PNKD: variants seen among roughly 807,000 people sequenced by gnomAD.
PNKD encodes probable thioesterase PNKD.
Under a neutral mutation model 45.3 loss-of-function variants are expected in PNKD, and 36 were observed. The ratio of observed to expected loss-of-function variants is 0.80; its 90% CI spans 0.61 to 1.05. The LOEUF (loss-of-function observed/expected upper bound fraction) is 1.05, where lower values mean the gene tolerates loss of function less well. PNKD is among the 50% of genes least tolerant of loss of function. PNKD has a pLI of 0.00. For missense variants in PNKD, 511 were observed against 506.6 expected, an observed-to-expected ratio of 1.01 and a Z score of -0.08; for synonymous variants, 197 against 210.1, an observed-to-expected ratio of 0.94 and a Z score of 0.54.
In PNKD at chr2:218,300,496, G is replaced by A. The variant is rs114406797; in HGVS notation, c.236+28947G>A. On this transcript the variant is annotated intron_variant, in intron 2 of 9. Coordinates refer to ENST00000273077, the MANE Select transcript of PNKD (RefSeq NM_015488.5). ...GATCGCTTGGGGTTCATGTTAAAATGCAGATTCTGCTTCAGTAGGTTGAGA... is the reference window on the plus strand; with the variant it reads ...GATCGCTTGGGGTTCATGTTAAAATACAGATTCTGCTTCAGTAGGTTGAGA... 2.1e-3 allele frequency among the ~76,000 whole-genome samples: 316 copies of A among 152,086 alleles called. 3 individuals carry two copies. The highest frequency in any genetic ancestry group is 0.014 in the Middle Eastern group (4 of 294).
chr2:218,282,820 G>A (rs1383266942), intron 2 of PNKD, among the ~76,000 whole-genome samples: 2 of 152,224 alleles, frequency 1.3e-5, no homozygotes, highest in African/African-American at 4.8e-5. Flanking sequence ...AGGAGTGGGT[G>A]GTACAGGGGC....
At chr2:218,310,635 G>A (rs1225917860) in intron 2 of PNKD, among the ~76,000 whole-genome samples, 4 of 109,338 alleles carry the variant, frequency 3.7e-5, no homozygotes, top group African/African-American at 7.3e-5. Context: ...CCTGTCACCC[G>A]GGCTGGAGTA....
intron 2 of PNKD, among the ~76,000 whole-genome samples, chr2:218,317,376 T>A (rs1202969175): frequency 2.0e-5 from 3 of 152,212 alleles, no homozygotes; most frequent in Non-Finnish European, 4.4e-5. Context: ...TGATGTTGAA[T>A]GAGCCATGCT....
intron 2 of PNKD, among the ~76,000 whole-genome samples, chr2:218,308,439 A>C (rs1241764664): frequency 2.0e-5 from 3 of 151,914 alleles, no homozygotes; most frequent in Non-Finnish European, 4.4e-5. Context: ...TGCCCGCCTC[A>C]GCCTCCCAAA....
At chr2:218,330,049 C>T (rs558916672) in intron 2 of PNKD, among the ~76,000 whole-genome samples, 2 of 152,324 alleles carry the variant, frequency 1.3e-5, no homozygotes, top group South Asian at 2.1e-4. Flanking sequence ...CTGAGCTTGC[C>T]TGTTGGGTCC....
intron 2 of PNKD, among the ~76,000 whole-genome samples, chr2:218,318,557 G>A (rs1389691249): frequency 1.3e-5 from 2 of 152,250 alleles, no homozygotes; most frequent in South Asian, 2.1e-4. Flanking sequence ...CCAGTCTCTG[G>A]ACAGTCACAG....
Position 218,326,260 on chromosome 2 carries a change from G to A in PNKD, c.237-13523G>A, listed in dbSNP as rs1694154065. Among the ~76,000 whole-genome samples the A allele has an allele frequency of 6.6e-6, 1 of 152,156 alleles. No homozygotes were observed. Among genetic ancestry groups the A allele is most frequent in the Non-Finnish European group, 1.5e-5 (1 of 68,024 alleles). On this transcript the variant is annotated intron_variant, in intron 2 of 9. Transcript: ENST00000273077. This position sits in a 1 kb window ranked among gnomAD's most constrained non-coding sequence, Gnocchi z 4.1. Reference sequence around the variant, plus strand: ...TAGTAATCATCATCCCTGGTGTTTGGCAATTTAATAAAAGGCTTTCCTTAA... The same window carrying A: ...TAGTAATCATCATCCCTGGTGTTTGACAATTTAATAAAAGGCTTTCCTTAA...
At chr2:218,273,236 C>A (rs185121660) in intron 2 of PNKD, among the ~76,000 whole-genome samples, 1 of 151,908 alleles carries the variant, frequency 6.6e-6, no homozygotes, top group African/African-American at 2.4e-5. Flanking sequence ...CCAAATGACT[C>A]GACTCTGGGC....
rs1432385423 is a variant in PNKD, at chr2:218,340,477, GTC to G, written c.466-245_466-244del. Among the ~76,000 whole-genome samples the G allele has an allele frequency of 6.6e-6, 1 of 151,776 alleles. No homozygotes were observed. Among genetic ancestry groups the G allele is most frequent in the African/African-American group, 2.4e-5 (1 of 41,282 alleles). ...GTCACCTCTGTCTGTCAGTATCTGGGTCTCTCTGTCTTTCCCTCCCATTCCTT... is the reference window on the plus strand; with the variant it reads ...GTCACCTCTGTCTGTCAGTATCTGGGTCTCTGTCTTTCCCTCCCATTCCTT... On this transcript the variant is annotated intron_variant, in intron 4 of 9. Transcript: ENST00000273077. The surrounding 1 kb of genome is among the most constrained non-coding windows in gnomAD (Gnocchi z 4.2).
chr2:218,317,466 C>T (rs1693846411), intron 2 of PNKD, among the ~76,000 whole-genome samples: 1 of 152,196 alleles, frequency 6.6e-6, no homozygotes, highest in South Asian at 2.1e-4. Flanking sequence ...CTGGGCTGAT[C>T]AGTGTATGGG....
intron 2 of PNKD, among the ~76,000 whole-genome samples, chr2:218,296,558 T>C (rs928714947): frequency 5.3e-5 from 8 of 152,234 alleles, no homozygotes; most frequent in African/African-American, 1.9e-4. Context: ...CTCCACTAAT[T>C]GGTCCTCCAA....
chr2:218,343,647 C>A, intron 8 of PNKD, 61 bp downstream of exon 8: 1 of 1,252,150 alleles, frequency 8.0e-7, no homozygotes, highest in Non-Finnish European at 1.1e-6. Flanking sequence ...GGACAAGGGC[C>A]TTCCCACCCC....
chr2:218,293,723 C>A (rs2106246568), intron 2 of PNKD, among the ~76,000 whole-genome samples: 1 of 151,008 alleles, frequency 6.6e-6, no homozygotes, highest in East Asian at 2.0e-4. Flanking sequence ...GCTGGGATTA[C>A]AAGTGTGTGC....
chr2:218,322,760 TG>T (rs1482326177), intron 2 of PNKD, among the ~76,000 whole-genome samples: 1 of 152,230 alleles, frequency 6.6e-6, no homozygotes, highest in Non-Finnish European at 1.5e-5. Flanking sequence ...GCTCCAGGAA[TG>T]CAGACAGTGT....
chr2:218,278,172 T>C, intron 2 of PNKD: 1 of 632,036 alleles, frequency 1.6e-6, no homozygotes. Flanking sequence ...AGACCTGTGT[T>C]GTGGCGCCAG....
intron 2 of PNKD, among the ~76,000 whole-genome samples, chr2:218,290,386 C>G (rs901432277): frequency 6.6e-6 from 1 of 152,218 alleles, no homozygotes; most frequent in Non-Finnish European, 1.5e-5. Flanking sequence ...GACACCCAAC[C>G]CTGAGAATCA....
At chr2:218,272,382 G>A (rs377708372) in intron 2 of PNKD, among the ~76,000 whole-genome samples, 3 of 152,208 alleles carry the variant, frequency 2.0e-5, no homozygotes, top group Admixed American at 2.0e-4. Context: ...GGAGTTACGG[G>A]GTTTTAAGCA....
intron 2 of PNKD, chr2:218,286,781 G>A (rs1307279756): frequency 6.6e-6 from 1 of 152,260 alleles, no homozygotes; most frequent in African/African-American, 2.4e-5. Flanking sequence ...TATGTGTACT[G>A]GAGGGAGGGA....
intron 2 of PNKD, chr2:218,280,145 TGACTCA>T: frequency 6.3e-7 from 1 of 1,583,356 alleles, no homozygotes; most frequent in Non-Finnish European, 8.7e-7. Flanking sequence ...AGATGACACT[TGACTCA>T]GCTGGGGACC....
Sources: allele counts gnomAD v4.1 joint callset (sites outside exome capture counted in the v4.1 genomes callset), GRCh38; gene constraint gnomAD v4.1.1; non-coding constraint Gnocchi (gnomAD v3.1); transcripts MANE v1.5; gene names NCBI Gene and HGNC (gene_info 2026-07-23, HGNC 2026-07-21).